UBE2E2: variants seen among roughly 807,000 people sequenced by gnomAD.
UBE2E2 encodes the protein ubiquitin conjugating enzyme E2 E2.
Under a neutral mutation model 24.7 loss-of-function variants are expected in UBE2E2, and 6 were observed. The observed-to-expected ratio is 0.24, with a 90% CI of 0.13 to 0.48. The LOEUF is 0.48. Ranked by LOEUF, UBE2E2 falls within the 20% of genes least tolerant of loss-of-function variation. The probability of loss-of-function intolerance (pLI) is 0.99; values close to 1 mark genes in which losing one functional copy is unlikely to be tolerated. For synonymous variants in UBE2E2, 104 were observed against 83.6 expected (o/e 1.24, Z -1.33); for missense variants, 169 against 245.0 (o/e 0.69, Z 2.07).
intron 3 of UBE2E2, among the ~76,000 whole-genome samples, chr3:23,249,001 T>G (rs1306978435): frequency 6.6e-6 from 1 of 152,230 alleles, no homozygotes; most frequent in African/African-American, 2.4e-5. Context: ...CCGGGTGCAG[T>G]GGCTCATGCC....
chr3:23,491,414 G>T (rs1246196078), intron 3 of UBE2E2, among the ~76,000 whole-genome samples: 1 of 152,074 alleles, frequency 6.6e-6, no homozygotes, highest in Non-Finnish European at 1.5e-5. Flanking sequence ...GTTTATATTT[G>T]CACAGAATGT....
At chr3:23,208,254 TCAAA>T (rs951234694) in intron 1 of UBE2E2, among the ~76,000 whole-genome samples, 15 of 152,176 alleles carry the variant, frequency 9.9e-5, no homozygotes, top group African/African-American at 3.4e-4. Context: ...ATATAAATAG[TCAAA>T]CAGTTTGTGG....
intron 5 of UBE2E2, among the ~76,000 whole-genome samples, chr3:23,579,443 T>A (rs1302186043): frequency 1.4e-5 from 2 of 145,986 alleles, no homozygotes; most frequent in Non-Finnish European, 3.0e-5. Flanking sequence ...GTAATCCCAG[T>A]GCTTTGGGAG....
chr3:23,204,292 G>A (rs905971215), intron 1 of UBE2E2, among the ~76,000 whole-genome samples: 1 of 151,998 alleles, frequency 6.6e-6, no homozygotes, highest in Non-Finnish European at 1.5e-5. Context: ...CTTCCCTTAA[G>A]GAAATTAAGG....
At chr3:23,209,033 C>T (rs180784099) in intron 2 of UBE2E2, among the ~76,000 whole-genome samples, 158 bp downstream of exon 2, 5 of 152,088 alleles carry the variant, frequency 3.3e-5, no homozygotes, top group African/African-American at 1.2e-4. Flanking sequence ...TGGTTTTAAC[C>T]ATAGGGAACT....
chr3:23,527,276 G>A (rs1487362688), intron 4 of UBE2E2, among the ~76,000 whole-genome samples: 3 of 152,074 alleles, frequency 2.0e-5, no homozygotes, highest in African/African-American at 7.2e-5. Context: ...CTAAATATGA[G>A]CTTAACATAT....
chr3:23,337,745 G>A (rs1256848367), intron 3 of UBE2E2, among the ~76,000 whole-genome samples: 3 of 152,214 alleles, frequency 2.0e-5, no homozygotes, highest in East Asian at 3.8e-4. Flanking sequence ...TAGGTGGAAT[G>A]TAGAGAATAT....
chr3:23,451,261 A>C (rs543463778), intron 3 of UBE2E2, among the ~76,000 whole-genome samples: 31 of 152,312 alleles, frequency 2.0e-4, no homozygotes, highest in Non-Finnish European at 3.4e-4. Flanking sequence ...GCTCATGTCA[A>C]ATTTGTCCTG....
intron 3 of UBE2E2, among the ~76,000 whole-genome samples, chr3:23,266,888 G>A (rs1259966850): frequency 6.6e-6 from 1 of 152,110 alleles, no homozygotes. Flanking sequence ...CTAGAACTCA[G>A]GATTAAGAAA....
At chr3:23,563,132 T>C (rs912222757) in intron 5 of UBE2E2, among the ~76,000 whole-genome samples, 8 of 152,208 alleles carry the variant, frequency 5.3e-5, no homozygotes, top group African/African-American at 1.9e-4. Flanking sequence ...TGTTTGCTCT[T>C]GCTTCTCTAG....
At chr3:23,246,776 A>G (rs886805097) in intron 3 of UBE2E2, among the ~76,000 whole-genome samples, 1 of 152,174 alleles carries the variant, frequency 6.6e-6, no homozygotes, top group African/African-American at 2.4e-5. Flanking sequence ...ACAGTGGAAT[A>G]TGTGTGTCTT....
chr3:23,453,197 T>C (rs1327888472), intron 3 of UBE2E2, among the ~76,000 whole-genome samples: 3 of 152,232 alleles, frequency 2.0e-5, no homozygotes, highest in Non-Finnish European at 4.4e-5. Flanking sequence ...GTTTAATATA[T>C]ACCATTTTAA....
intron 3 of UBE2E2, among the ~76,000 whole-genome samples, chr3:23,367,299 T>C (rs111518451): frequency 9.5e-4 from 145 of 152,334 alleles, no homozygotes; most frequent in African/African-American, 3.3e-3. Flanking sequence ...TGTTTGCTTA[T>C]GAGTTGACTG....
In UBE2E2 at chr3:23,538,797, G is replaced by C. The variant is rs139824558; in HGVS notation, c.508+6096G>C. Among the ~76,000 whole-genome samples the C allele has an allele frequency of 6.4e-4, 98 of 152,180 alleles. 5 individuals carry two copies. In the East Asian group the frequency reaches 0.015, roughly 24 times the overall value. ...AAAAAACAAAAAATAACAATTCTGA[G>C]ATGCTTACCTTGACCCCTACATATT... On this transcript the variant is annotated intron_variant, in intron 5 of 5. Transcript: ENST00000396703.
At chr3:23,343,056 G>T (rs560188006) in intron 3 of UBE2E2, among the ~76,000 whole-genome samples, 1 of 151,034 alleles carries the variant, frequency 6.6e-6, no homozygotes, top group South Asian at 2.1e-4. Flanking sequence ...CCCTATATTG[G>T]GTCTTTAACT....
At position 23,520,193 on chromosome 3, in the gene UBE2E2, CT is replaced by C. The variant is rs570361869; in HGVS notation, c.361-12356del. Among the ~76,000 whole-genome samples, 674 of 150,568 alleles carry C rather than the reference CT, an allele frequency of 4.5e-3. 4 individuals are homozygous for C. Among genetic ancestry groups the C allele is most frequent in the Non-Finnish European group, 5.0e-3 (338 of 67,754 alleles). ...GATTATTTTGTATTTTCCTTATAAG[CT>C]TTTTGCTTAGTATTGGAATTGACTT... is the stretch of plus-strand genomic sequence containing the variant. On this transcript the variant is annotated intron_variant, in intron 4 of 5. Transcript: ENST00000396703.
At chr3:23,578,974 C>T (rs1296782581) in intron 5 of UBE2E2, among the ~76,000 whole-genome samples, 1 of 152,066 alleles carries the variant, frequency 6.6e-6, no homozygotes, top group African/African-American at 2.4e-5. Context: ...GATAATACAC[C>T]TGGTCACCCA....
rs371087243 is a variant in UBE2E2 at position 23,304,492 on chromosome 3, A to G, written c.227+87180A>G. Among the ~76,000 whole-genome samples the G allele has an allele frequency of 2.6e-5, 4 of 152,308 alleles. No homozygotes were observed. In the East Asian group the frequency reaches 5.8e-4, roughly 22 times the overall value. On this transcript the variant is annotated intron_variant, in intron 3 of 5. Transcript: ENST00000396703. Reference sequence around the variant, plus strand: ...TATTATGAAAAATATATTTTGAAAAATCTTGAAAAGAGTGGCCTTGTTTAC... The same window carrying G: ...TATTATGAAAAATATATTTTGAAAAGTCTTGAAAAGAGTGGCCTTGTTTAC...
chr3:23,480,858 T>C (rs1692648), intron 3 of UBE2E2, among the ~76,000 whole-genome samples: 27,237 of 152,150 alleles, frequency 0.18, 2,520 homozygotes, highest in Middle Eastern at 0.23. Context: ...AGAGAAACCT[T>C]TCTAGTGTAA....
Sources: allele counts gnomAD v4.1 joint callset (sites outside exome capture counted in the v4.1 genomes callset), GRCh38; gene constraint gnomAD v4.1.1; transcripts MANE v1.5; gene names NCBI Gene and HGNC (gene_info 2026-07-23, HGNC 2026-07-21).